Variants in SULT1C3 observed in about 807,000 individuals in gnomAD.
The protein encoded by SULT1C3 is sulfotransferase 1C3.
Under a neutral mutation model 28.4 loss-of-function variants are expected in SULT1C3, and 31 were observed. That is an observed-to-expected ratio of 1.09 (90% CI 0.82 to 1.47). SULT1C3 has a LOEUF of 1.47. Among genes scored for constraint, SULT1C3 ranks in the 40% most tolerant of loss-of-function variants. SULT1C3 has a pLI of 0.00. For missense variants in SULT1C3, 307 were observed against 272.5 expected, an observed-to-expected ratio of 1.13 and a Z score of -0.89; for synonymous variants, 106 against 92.2, an observed-to-expected ratio of 1.15 and a Z score of -0.86.
At chr2:108,247,449 G>T in intron 2 of SULT1C3, 83 bp downstream of exon 2, 1 of 1,269,800 alleles carries the variant, frequency 7.9e-7, no homozygotes, top group Non-Finnish European at 1.0e-6. Context: ...AAGCATGATT[G>T]GGATTTGGAG....
chr2:108,255,510 TTGAG>T, intron 4 of SULT1C3, 58 bp from the exon 5 acceptor site: 1 of 1,554,676 alleles, frequency 6.4e-7, no homozygotes, highest in Non-Finnish European at 8.8e-7. Context: ...AAACACTCAC[TTGAG>T]TATTTCATGT....
At chr2:108,264,951 AC>A, downstream of SULT1C3, 1 of 1,613,896 alleles carries the variant, frequency 6.2e-7, no homozygotes, top group Non-Finnish European at 8.5e-7. Context: ...GACCAACTAT[AC>A]CACTTTGCCC....
Position 108,260,235 on chromosome 2 carries a change from A to G in SULT1C3, c.803-333A>G, listed in dbSNP as rs530886382. Reference sequence around the variant, plus strand: ...GGGAGAATAAGATAGGCTGTCCCCCAGGAAGTCCATGATGGTAACCAGCTG... The same window carrying G: ...GGGAGAATAAGATAGGCTGTCCCCCGGGAAGTCCATGATGGTAACCAGCTG... On this transcript the variant is annotated intron_variant, in intron 7 of 7. Transcript: ENST00000681802. Among the ~76,000 whole-genome samples, 278 of 152,252 alleles carry G rather than the reference A, an allele frequency of 1.8e-3. 2 individuals are homozygous for G. The highest frequency in any genetic ancestry group is 7.3e-3 in the Admixed American group (111 of 15,278).
chr2:108,263,797 A>G (rs1407795438), downstream of SULT1C3, among the ~76,000 whole-genome samples: 1 of 152,204 alleles, frequency 6.6e-6, no homozygotes, highest in African/African-American at 2.4e-5. Flanking sequence ...TTTATCCTCA[A>G]AAGCTCTAAC....
At chr2:108,245,548 GC>G (rs1675558609) in intron 1 of SULT1C3, among the ~76,000 whole-genome samples, 1 of 152,124 alleles carries the variant, frequency 6.6e-6, no homozygotes, top group African/African-American at 2.4e-5. Flanking sequence ...CCATTTTCTG[GC>G]CAATGGGACA....
At chr2:108,252,202 G>A (rs1024111619) in intron 2 of SULT1C3, among the ~76,000 whole-genome samples, 163 bp from the exon 3 acceptor site, 6 of 151,902 alleles carry the variant, frequency 3.9e-5, no homozygotes, top group African/African-American at 1.4e-4. Flanking sequence ...TAGATAGATG[G>A]ATAGATAGAT....
chr2:108,263,068 G>T (rs1020380523), downstream of SULT1C3, among the ~76,000 whole-genome samples: 6 of 152,134 alleles, frequency 3.9e-5, no homozygotes, highest in African/African-American at 1.4e-4. Flanking sequence ...AATGAAGTTT[G>T]CTTAATTTAA....
At chr2:108,258,567 C>T (rs1573225412) in intron 5 of SULT1C3, among the ~76,000 whole-genome samples, 167 bp from the exon 6 acceptor site, 1 of 152,122 alleles carries the variant, frequency 6.6e-6, no homozygotes, top group South Asian at 2.1e-4. Context: ...CTATAAATCT[C>T]GGCTTTACAC....
chr2:108,250,721 TA>T (rs1180781581), intron 2 of SULT1C3, among the ~76,000 whole-genome samples: 11 of 151,660 alleles, frequency 7.3e-5, no homozygotes, highest in African/African-American at 1.2e-4. Context: ...TCTCAGCAAT[TA>T]AAAAAAATGA....
At position 108,253,394 on chromosome 2, in the gene SULT1C3, T is replaced by C. The variant is rs769893228; in HGVS notation, c.351T>C (p.His117=). 7.0e-6 allele frequency: 11 copies of C among 1,581,420 alleles called. No individual in the cohort carries two copies. The African/African-American group carries it at 1.4e-4, about 19-fold the overall frequency. ...CCTCACCACAACTGATAAAAACACA[T>C]CTCCCTTCACATCTGATTCCACCAT... ...EMSSPQLIKT[H]LPSHLIPPSI... is the part of the protein sequence containing the mutation. Residue 117 remains histidine, a synonymous_variant, in exon 4 of 8, where the codon CAT becomes CAC. Coordinates refer to ENST00000681802, the MANE Select transcript of SULT1C3 (RefSeq NM_001320878.2).
chr2:108,247,431 G>A, intron 2 of SULT1C3, 65 bp downstream of exon 2: 3 of 1,357,920 alleles, frequency 2.2e-6, no homozygotes, highest in Non-Finnish European at 2.9e-6. Context: ...AATCTGTATT[G>A]ATAAATGAAG....
intron 1 of SULT1C3, among the ~76,000 whole-genome samples, chr2:108,241,680 C>T (rs999645225): frequency 6.6e-6 from 1 of 152,134 alleles, no homozygotes. Context: ...GTAATCCCAG[C>T]ACTTTGGGAG....
At position 108,252,608 on chromosome 2, in the gene SULT1C3, G is replaced by A. The variant is rs570023565; in HGVS notation, c.301+115G>A. ...AGAAGTAGCCTGTATCTTTCATGAG[G>A]TCTATTTGTTCTCAGGCCAACAATC... is the stretch of plus-strand genomic sequence containing the variant. On this transcript the variant is annotated intron_variant, in intron 3 of 7. Transcript: ENST00000681802. 1.1e-5 allele frequency: 14 copies of A among 1,249,992 alleles called. No individual in the cohort carries two copies. In the South Asian group the frequency reaches 2.2e-4, roughly 20 times the overall value. The allele number at this position is 1,249,992 out of a possible 1,614,324, so 77.4% of individuals were successfully genotyped here. A position where few individuals can be genotyped will look rare whatever the true frequency, so the allele number is the denominator to read the frequency against.
chr2:108,241,245 C>T lies in SULT1C3; in HGVS notation c.-8+1162C>T, dbSNP rs1675454477. 2.6e-5 allele frequency among the ~76,000 whole-genome samples: 4 copies of T among 152,300 alleles called. No homozygotes were observed. The South Asian group carries it at 8.3e-4, about 32-fold the overall frequency. On this transcript the variant is annotated intron_variant, in intron 1 of 7. Coordinates refer to ENST00000681802, the MANE Select transcript of SULT1C3 (RefSeq NM_001320878.2). ...TTCAGTCAAAGCATATGTAAAATAACCAGTTTTTCCAATTGTGTCCTGTTG... is the reference window on the plus strand; with the variant it reads ...TTCAGTCAAAGCATATGTAAAATAATCAGTTTTTCCAATTGTGTCCTGTTG...
At chr2:108,262,325 G>C (rs1676042227), downstream of SULT1C3, among the ~76,000 whole-genome samples, 2 of 152,096 alleles carry the variant, frequency 1.3e-5, no homozygotes, top group African/African-American at 4.8e-5. Flanking sequence ...TAAAGGAAAA[G>C]CAAATTTCAT....
chr2:108,249,173 C>G (rs6542756), intron 2 of SULT1C3, among the ~76,000 whole-genome samples: 59,281 of 151,768 alleles, frequency 0.39, 13,082 homozygotes, highest in East Asian at 0.74. Flanking sequence ...GCCATGTTAA[C>G]CCCAATTTCT....
chr2:108,260,426 T>C (rs1412654658), intron 7 of SULT1C3, 142 bp from the exon 8 acceptor site: 2 of 327,512 alleles, frequency 6.1e-6, no homozygotes, highest in Admixed American at 3.8e-5. Context: ...GGACCATTCA[T>C]AGTGGAAAGA....
chr2:108,260,880 G>C lies in SULT1C3; in HGVS notation c.*200G>C, dbSNP rs1305189303. Among the ~76,000 whole-genome samples, 1 of 152,152 alleles carries C rather than the reference G, an allele frequency of 6.6e-6. No individual in the cohort carries two copies. The highest frequency in any genetic ancestry group is 1.5e-5 in the Non-Finnish European group (1 of 68,014). The stretch of plus-strand genomic sequence containing the variant: ...TCCAGTAAATAAAATAAGAGAATTA[G>C]AGAGCAGAGTCCGCCTACATGAGTT... On this transcript the variant is annotated 3_prime_UTR_variant, in exon 8 of 8. Coordinates refer to ENST00000681802, the MANE Select transcript of SULT1C3 (RefSeq NM_001320878.2).
chr2:108,242,338 T>C (rs1039372232), intron 1 of SULT1C3, among the ~76,000 whole-genome samples: 1 of 152,202 alleles, frequency 6.6e-6, no homozygotes, highest in Non-Finnish European at 1.5e-5. Flanking sequence ...TCAGCACTTG[T>C]TAAGATTTTT....
Sources: gnomAD v4.1 joint callset for allele counts (sites outside exome capture counted in the v4.1 genomes callset) on GRCh38, gnomAD v4.1.1 for gene constraint, MANE v1.5 for transcripts, NCBI Gene and HGNC (gene_info 2026-07-23, HGNC 2026-07-21) for gene names.